Variants in ANKS1B observed in about 807,000 individuals in gnomAD.
ANKS1B encodes ankyrin repeat and sterile alpha motif domain-containing protein 1B.
Under a neutral mutation model 148.3 loss-of-function variants are expected in ANKS1B, and 36 were observed. The observed-to-expected ratio is 0.24, with a 90% CI of 0.19 to 0.32. The LOEUF is 0.32. ANKS1B is among the 10% of genes least tolerant of loss of function. The pLI, the probability that ANKS1B is intolerant of heterozygous loss-of-function variation, is 1.00. For missense variants in ANKS1B, 1,157 were observed against 1,542.6 expected (o/e 0.75, Z 4.19); for synonymous variants, 542 against 560.8 (o/e 0.97, Z 0.47).
intron 6 of ANKS1B, among the ~76,000 whole-genome samples, chr12:99,776,663 GT>G (rs36189864): frequency 1.4e-5 from 2 of 143,752 alleles, no homozygotes; most frequent in South Asian, 2.5e-4. Context: ...AAATCCTAGG[GT>G]TTTTTTTGTT....
intron 25 of ANKS1B, among the ~76,000 whole-genome samples, chr12:98,754,503 T>C (rs1179381169): frequency 1.3e-5 from 2 of 152,200 alleles, no homozygotes; most frequent in African/African-American, 2.4e-5. Context: ...TTCCCATCTG[T>C]TGGGGACATG....
At chr12:99,971,866 G>A (rs532279069) in intron 1 of ANKS1B, among the ~76,000 whole-genome samples, 140 of 152,244 alleles carry the variant, frequency 9.2e-4, no homozygotes, top group Non-Finnish European at 1.7e-3. Flanking sequence ...TAATAAATGT[G>A]TACAGAAATA....
intron 16 of ANKS1B, among the ~76,000 whole-genome samples, chr12:99,054,317 A>G (rs2099968160): frequency 6.6e-6 from 1 of 152,222 alleles, no homozygotes; most frequent in Non-Finnish European, 1.5e-5. Context: ...AGAGATAAAT[A>G]TTAATGGAAA....
chr12:99,635,054 A>G (rs1484237510), intron 9 of ANKS1B, among the ~76,000 whole-genome samples: 2 of 152,204 alleles, frequency 1.3e-5, no homozygotes, highest in East Asian at 3.9e-4. Context: ...TCAAAACCAC[A>G]AAGAGATGTT....
intron 18 of ANKS1B, chr12:98,831,720 G>T (rs1210031941): frequency 2.1e-5 from 6 of 281,236 alleles, no homozygotes; most frequent in Admixed American, 4.6e-5. Context: ...TGCTTCAGTT[G>T]TATAAAGTGC....
intron 16 of ANKS1B, among the ~76,000 whole-genome samples, chr12:99,057,831 A>G (rs1318698256): frequency 6.6e-6 from 1 of 152,218 alleles, no homozygotes; most frequent in Non-Finnish European, 1.5e-5. Flanking sequence ...GAGAAGTTGC[A>G]TAACTCCTGG....
chr12:99,180,982 A>C lies in ANKS1B; in HGVS notation c.2420-26587T>G, dbSNP rs148696828. ...CCATATCTGGGGTGAATCTGAACAAACAGGCCTAAGTTTCTCCCCAGTTTA... is the reference window on the plus strand; with the variant it reads ...CCATATCTGGGGTGAATCTGAACAACCAGGCCTAAGTTTCTCCCCAGTTTA... On this transcript the variant is annotated intron_variant, in intron 14 of 26. Coordinates refer to ENST00000683438, the MANE Select transcript of ANKS1B (RefSeq NM_001352186.2). 5.0e-4 allele frequency among the ~76,000 whole-genome samples: 76 copies of C among 152,248 alleles called. 1 individual carries two copies. The highest frequency in any genetic ancestry group is 1.7e-3 in the African/African-American group (72 of 41,532).
chr12:99,648,577 A>G lies in ANKS1B; in HGVS notation c.1272+6490T>C, dbSNP rs761282186. 2.5e-6 allele frequency: 4 copies of G among 1,614,170 alleles called. No individual in the cohort carries two copies. In the Admixed American group the frequency reaches 6.7e-5, roughly 27 times the overall value. Reference sequence around the variant, plus strand: ...GAAAATAACCATCCACAACAGCGTAAAAAAACAGCTCCACCTGAAGCTTGC... The same window carrying G: ...GAAAATAACCATCCACAACAGCGTAGAAAAACAGCTCCACCTGAAGCTTGC... On this transcript the variant is annotated intron_variant, in intron 9 of 26. Transcript: ENST00000683438.
At chr12:99,544,962 T>C (rs1223831428) in intron 9 of ANKS1B, among the ~76,000 whole-genome samples, 1 of 152,206 alleles carries the variant, frequency 6.6e-6, no homozygotes, top group Non-Finnish European at 1.5e-5. Flanking sequence ...AACTCATCTG[T>C]GAGCCCTGGC....
intron 12 of ANKS1B, among the ~76,000 whole-genome samples, chr12:99,250,901 A>T (rs1251859176): frequency 2.1e-4 from 32 of 152,326 alleles, no homozygotes; most frequent in Admixed American, 1.8e-3. Context: ...GGTAGCTTAC[A>T]AACAACAGAT....
At position 99,435,969 on chromosome 12, in the gene ANKS1B, C is replaced by T. The variant is rs185262644; in HGVS notation, c.1575+7704G>A. On this transcript the variant is annotated intron_variant, in intron 11 of 26. Transcript: ENST00000683438. ...TGTTGGGTCCTGTTGCCTTCTTTCT[C>T]ATTTTTTTTCCTTTCCAAATCGCTC... Among the ~76,000 whole-genome samples the T allele has an allele frequency of 3.3e-5, 5 of 152,080 alleles. No individual in the cohort carries two copies. In the South Asian group the frequency reaches 8.3e-4, roughly 25 times the overall value.
chr12:98,896,880 A>G (rs1204865368), intron 17 of ANKS1B, among the ~76,000 whole-genome samples: 2 of 152,188 alleles, frequency 1.3e-5, no homozygotes, highest in African/African-American at 2.4e-5. Flanking sequence ...CATGAGAGTG[A>G]CCGAAGAATG....
At position 99,973,196 on chromosome 12, in the gene ANKS1B, G is replaced by T. The variant is rs75119191; in HGVS notation, c.134+10908C>A. 3.2e-3 allele frequency among the ~76,000 whole-genome samples: 480 copies of T among 152,320 alleles called. 3 individuals are homozygous for T. The highest frequency in any genetic ancestry group is 0.011 in the African/African-American group (453 of 41,564). On this transcript the variant is annotated intron_variant, in intron 1 of 26. Transcript: ENST00000683438. Reference sequence around the variant, plus strand: ...TCCATTCTGTAGCCCAGAGATTGAGGAGTAATTTTGGCTTTCAAGTCTTCT... The same window carrying T: ...TCCATTCTGTAGCCCAGAGATTGAGTAGTAATTTTGGCTTTCAAGTCTTCT...
At chr12:98,846,465 G>C (rs1460613474) in intron 17 of ANKS1B, among the ~76,000 whole-genome samples, 3 of 152,242 alleles carry the variant, frequency 2.0e-5, no homozygotes, top group Non-Finnish European at 4.4e-5. Context: ...TGATGGTGCT[G>C]GTCATCCCAC....
intron 6 of ANKS1B, among the ~76,000 whole-genome samples, chr12:99,777,173 C>T (rs2063736897): frequency 6.6e-6 from 1 of 152,160 alleles, no homozygotes; most frequent in African/African-American, 2.4e-5. Context: ...TTTGCTTATA[C>T]TTCTTTATTC....
chr12:99,794,712 C>T (rs1347813656), intron 4 of ANKS1B, among the ~76,000 whole-genome samples: 1 of 151,290 alleles, frequency 6.6e-6, no homozygotes, highest in African/African-American at 2.4e-5. Context: ...AGTGGGGGCA[C>T]AGGGGTTAGA....
rs754777462 is a variant in ANKS1B, at chr12:98,781,153, T to C, written c.3405A>G (p.Ser1135=). The C allele has an allele frequency of 1.3e-6, 2 of 1,585,758 alleles. No homozygotes were observed. The highest frequency in any genetic ancestry group is 1.8e-5 in the Admixed American group (1 of 56,056). ...KKVPTIILSV[S]YKGVKFIDAT... ...CATCAATAAATTTGACTCCTTTATATGAGACAGAAAGAATAATAGTAGGGA... is the reference window on the plus strand; with the variant it reads ...CATCAATAAATTTGACTCCTTTATACGAGACAGAAAGAATAATAGTAGGGA... The change falls in exon 24 of 27, where the codon TCA becomes TCG. Residue 1135 remains serine (S), a synonymous_variant. Transcript: ENST00000683438.
At chr12:99,567,819 C>T (rs553074434) in intron 9 of ANKS1B, among the ~76,000 whole-genome samples, 41 of 152,268 alleles carry the variant, frequency 2.7e-4, no homozygotes, top group African/African-American at 7.2e-4. Flanking sequence ...CCACACTTTA[C>T]GTAACCAAGA....
intron 4 of ANKS1B, among the ~76,000 whole-genome samples, chr12:99,805,065 T>C (rs1002279028): frequency 3.3e-5 from 5 of 151,974 alleles, no homozygotes; most frequent in African/African-American, 1.2e-4. Context: ...TTAGACTAAA[T>C]TGCCAATCAC....
Sources: allele counts gnomAD v4.1 joint callset (sites outside exome capture counted in the v4.1 genomes callset), GRCh38; gene constraint gnomAD v4.1.1; transcripts MANE v1.5; gene names NCBI Gene and HGNC (gene_info 2026-07-23, HGNC 2026-07-21).